The following DMRT1 variants were observed in gnomAD, a reference collection of about 807,000 sequenced individuals.
DMRT1 encodes the protein doublesex and mab-3 related transcription factor 1.
In DMRT1, 7 loss-of-function variants were observed where a neutral mutation model predicts 32.3. The ratio of observed to expected loss-of-function variants is 0.22; its 90% CI spans 0.12 to 0.41. The LOEUF is 0.41. Among genes scored for constraint, DMRT1 ranks in the 10% least tolerant of loss-of-function variants. DMRT1 has a pLI of 1.00. For synonymous variants in DMRT1, 278 were observed against 206.1 expected (o/e 1.35, Z -2.99); for missense variants, 625 against 500.5 (o/e 1.25, Z -2.37).
At chr9:900,382 T>C (rs997013091) in intron 3 of DMRT1, among the ~76,000 whole-genome samples, 1 of 152,154 alleles carries the variant, frequency 6.6e-6, no homozygotes, top group South Asian at 2.1e-4. Context: ...CCCCCCTTTT[T>C]TTGTTGTTTT....
intron 4 of DMRT1, among the ~76,000 whole-genome samples, chr9:935,605 A>C (rs1339430698): frequency 6.6e-6 from 1 of 152,228 alleles, no homozygotes; most frequent in Non-Finnish European, 1.5e-5. Context: ...CATTTCTATC[A>C]GCACTTGCCT....
chr9:949,740 G>T (rs745671301), intron 4 of DMRT1, among the ~76,000 whole-genome samples: 43 of 152,218 alleles, frequency 2.8e-4, no homozygotes, highest in Non-Finnish European at 5.3e-4. Flanking sequence ...CTCAGGCCCT[G>T]TAGCCACCAT....
chr9:934,834 T>C (rs1310131274), intron 4 of DMRT1, among the ~76,000 whole-genome samples: 1 of 152,218 alleles, frequency 6.6e-6, no homozygotes, highest in Non-Finnish European at 1.5e-5. Flanking sequence ...TGTGGCCCTT[T>C]TCTGTGAGCA....
rs551831497 is a variant in DMRT1, at chr9:968,931, A to C, written c.*792A>C. On this transcript the variant is annotated 3_prime_UTR_variant, in exon 5 of 5. Transcript: ENST00000382276. Reference sequence around the variant, plus strand: ...CTGATTTGGAAATAAGTACATCTTTAAAAGTTGCTACAGATTTGAGTTCAT... The same window carrying C: ...CTGATTTGGAAATAAGTACATCTTTCAAAGTTGCTACAGATTTGAGTTCAT... 2.0e-5 allele frequency: 3 copies of C among 152,778 alleles called. No homozygotes were observed. The South Asian group carries it at 6.2e-4, about 32-fold the overall frequency. 9.5% of individuals were successfully genotyped at this position (152,778 alleles called of 1,614,324 possible).
rs146736951 is a variant in DMRT1 at position 866,490 on chromosome 9, A to G, written c.538+19347A>G. On this transcript the variant is annotated intron_variant, in intron 2 of 4. Coordinates refer to ENST00000382276, the MANE Select transcript of DMRT1 (RefSeq NM_021951.3). ...TACCCCGTTGTGGGGATAGTATTTT[A>G]AAGTGTTTAGTTTCAGAAGTTTTCC... Among the ~76,000 whole-genome samples the G allele has an allele frequency of 3.4e-3, 511 of 150,820 alleles. 3 individuals are homozygous for G. The highest frequency in any genetic ancestry group is 0.031 in the Middle Eastern group (9 of 294).
At chr9:915,660 G>GTGCTAATTT (rs1002067171) in intron 3 of DMRT1, among the ~76,000 whole-genome samples, 9 of 152,236 alleles carry the variant, frequency 5.9e-5, no homozygotes, top group African/African-American at 2.2e-4. Flanking sequence ...GCATGGCATT[G>GTGCTAATTT]TGCTAATGTC....
At chr9:956,978 G>A (rs1424921729) in intron 4 of DMRT1, among the ~76,000 whole-genome samples, 1 of 152,246 alleles carries the variant, frequency 6.6e-6, no homozygotes, top group East Asian at 1.9e-4. Context: ...AGATTCAGCG[G>A]GTTCATGTGC....
chr9:967,695 G>A (rs1008098592), intron 4 of DMRT1, among the ~76,000 whole-genome samples: 3 of 152,132 alleles, frequency 2.0e-5, no homozygotes, highest in Non-Finnish European at 4.4e-5. Flanking sequence ...TTCCCAAAGA[G>A]GATGCAGCCG....
intron 2 of DMRT1, among the ~76,000 whole-genome samples, chr9:858,861 AAAAAAAAAAATATAT>A (rs760642147): frequency 9.0e-5 from 5 of 55,430 alleles, no homozygotes; most frequent in African/African-American, 1.6e-4. Context: ...CTCAAAAAAA[AAAAAAAAAAATATAT>A]ATATATATAT....
At chr9:948,268 T>A (rs1392429414) in intron 4 of DMRT1, among the ~76,000 whole-genome samples, 1 of 152,184 alleles carries the variant, frequency 6.6e-6, no homozygotes, top group East Asian at 1.9e-4. Context: ...TGTGCTTTAA[T>A]GAACAGTTTT....
chr9:944,975 G>C (rs138611658), intron 4 of DMRT1, among the ~76,000 whole-genome samples: 311 of 152,014 alleles, frequency 2.0e-3, no homozygotes, highest in Non-Finnish European at 3.5e-3. Context: ...CTGGGGAATT[G>C]TCCAGACCTC....
chr9:861,826 G>T (rs1279604787), intron 2 of DMRT1, among the ~76,000 whole-genome samples: 3 of 148,416 alleles, frequency 2.0e-5, no homozygotes, highest in African/African-American at 4.9e-5. Context: ...TCCTTCAGAC[G>T]GGGCGGCCGG....
At chr9:842,274 G>A (rs1470766070) in intron 1 of DMRT1, 82 bp downstream of exon 1, 15 of 1,469,768 alleles carry the variant, frequency 1.0e-5, no homozygotes, top group Non-Finnish European at 1.3e-5. Flanking sequence ...TCGCTCGGTT[G>A]CCCAGGCTGC....
chr9:940,200 T>C (rs576270794), intron 4 of DMRT1, among the ~76,000 whole-genome samples: 8 of 152,148 alleles, frequency 5.3e-5, no homozygotes, highest in African/African-American at 1.9e-4. Context: ...ATGCAGCAAT[T>C]CTACTTCTAG....
chr9:871,468 G>T (rs1302943240), intron 2 of DMRT1, among the ~76,000 whole-genome samples: 2 of 150,390 alleles, frequency 1.3e-5, no homozygotes, highest in African/African-American at 2.4e-5. Flanking sequence ...GAGTAGCTGG[G>T]ACTACAGGCA....
At chr9:888,420 C>T (rs1564225911) in intron 2 of DMRT1, among the ~76,000 whole-genome samples, 1 of 152,148 alleles carries the variant, frequency 6.6e-6, no homozygotes, top group East Asian at 1.9e-4. Context: ...ATTCTCCTTC[C>T]TCAGCCTCCC....
intron 2 of DMRT1, among the ~76,000 whole-genome samples, chr9:864,595 C>T (rs953661370): frequency 5.3e-5 from 8 of 150,122 alleles, no homozygotes; most frequent in East Asian, 2.0e-4. Context: ...GTGTCCCAGG[C>T]TCATGCCATT....
chr9:921,092 G>C (rs1347483532), intron 4 of DMRT1, among the ~76,000 whole-genome samples: 1 of 152,134 alleles, frequency 6.6e-6, no homozygotes, highest in African/African-American at 2.4e-5. Context: ...TACATTCACA[G>C]AGTTGGGCAA....
intron 2 of DMRT1, among the ~76,000 whole-genome samples, chr9:865,520 C>T (rs965736316): frequency 6.6e-6 from 1 of 151,974 alleles, no homozygotes; most frequent in South Asian, 2.1e-4. Context: ...TGATGAAGTA[C>T]ATGAACAAGT....
Sources: gnomAD v4.1 joint callset for allele counts (sites outside exome capture counted in the v4.1 genomes callset) on GRCh38, gnomAD v4.1.1 for gene constraint, MANE v1.5 for transcripts, NCBI Gene and HGNC (gene_info 2026-07-23, HGNC 2026-07-21) for gene names.